ADGRG6: variants seen among roughly 807,000 people sequenced by gnomAD.
The protein encoded by ADGRG6 is G-protein coupled receptor 126.
A neutral mutation model predicts 142.4 loss-of-function variants in ADGRG6; 84 were observed. The observed-to-expected ratio is 0.59, with a 90% CI of 0.49 to 0.71. The LOEUF is 0.71. Ranked by LOEUF, ADGRG6 falls within the 30% of genes least tolerant of loss-of-function variation. ADGRG6 has a pLI of 0.00. For missense variants in ADGRG6, 1,367 were observed against 1,466.6 expected (o/e 0.93, Z 1.11); for synonymous variants, 521 against 520.5 (o/e 1.00, Z -0.01).
chr6:142,423,474 A>T (rs1474877887), intron 22 of ADGRG6, among the ~76,000 whole-genome samples: 1 of 151,704 alleles, frequency 6.6e-6, no homozygotes, highest in Non-Finnish European at 1.5e-5. Context: ...AAGATCAGAT[A>T]GTTGTAGATA....
At chr6:142,371,402 A>C (rs149815087) in intron 4 of ADGRG6, among the ~76,000 whole-genome samples, 1 of 151,198 alleles carries the variant, frequency 6.6e-6, no homozygotes, top group Non-Finnish European at 1.5e-5. Context: ...CCTGACCTCA[A>C]GTGGTCCACC....
Position 142,402,570 on chromosome 6 carries a change from C to A in ADGRG6, c.1745-50C>A, listed in dbSNP as rs896376007. 5.3e-6 allele frequency: 5 copies of A among 950,458 alleles called. No individual in the cohort carries two copies. In the Admixed American group the frequency reaches 1.1e-4, roughly 21 times the overall value. The allele number at this position is 950,458 out of a possible 1,614,324, so 58.9% of individuals were successfully genotyped here. On this transcript the variant is annotated intron_variant, in intron 12 of 24. Transcript: ENST00000367609. The stretch of plus-strand genomic sequence containing the variant: ...TCTACTTTGGATTCCTGGAAATGCT[C>A]TAAATATTCAGGTAAAACTTAGTGT...
At chr6:142,383,091 TAA>T (rs1200167774) in intron 5 of ADGRG6, among the ~76,000 whole-genome samples, 1 of 152,142 alleles carries the variant, frequency 6.6e-6, no homozygotes, top group Non-Finnish European at 1.5e-5. Flanking sequence ...ATCTGAAGTT[TAA>T]AAAAAGTTAT....
rs150024505 is a variant in ADGRG6 at position 142,415,219 on chromosome 6, C to T, written c.2669+123C>T. ...TGGTTGAACGTTAATGTTCATGTTTCTGATAAAATATATTATGTAACATGA... is the reference window on the plus strand; with the variant it reads ...TGGTTGAACGTTAATGTTCATGTTTTTGATAAAATATATTATGTAACATGA... On this transcript the variant is annotated intron_variant, in intron 19 of 24. Transcript: ENST00000367609. 8.2e-4 allele frequency: 427 copies of T among 523,362 alleles called. 1 individual carries two copies. The highest frequency in any genetic ancestry group is 7.3e-3 in the African/African-American group (373 of 51,056). The allele number at this position is 523,362 out of a possible 1,614,324, so 32.4% of individuals were successfully genotyped here. A position where few individuals can be genotyped will look rare whatever the true frequency, so the allele number is the denominator to read the frequency against.
rs572027896 is a variant in ADGRG6, at chr6:142,340,233, AG to A, written c.104-27335del. Among the ~76,000 whole-genome samples the A allele has an allele frequency of 2.9e-3, 439 of 152,280 alleles. 1 individual carries two copies. The highest frequency in any genetic ancestry group is 5.2e-3 in the Non-Finnish European group (353 of 67,990). ...AACAACTGCTGCAAGTTATTTTGCA[AG>A]AAAGACAAGGTGGAATGCACATGTA... On this transcript the variant is annotated intron_variant, in intron 2 of 24. Coordinates refer to ENST00000367609, the MANE Select transcript of ADGRG6 (RefSeq NM_198569.3).
At position 142,415,805 on chromosome 6, in the gene ADGRG6, A is replaced by T; in HGVS notation, c.2679A>T (p.Arg893=). Residue 893 remains arginine, a synonymous_variant, in exon 20 of 25, where the codon CGA becomes CGT. Coordinates refer to ENST00000367609, the MANE Select transcript of ADGRG6 (RefSeq NM_198569.3). ...TTTTTTCATTTTTTAGGAAATTGCG[A>T]AGGGATTATCCCTCCAAAATCTTGA... ...LLTYVAFEKL[R]RDYPSKILMN... is the part of the protein sequence containing the mutation. 6.2e-7 allele frequency: 1 copy of T among 1,609,954 alleles called. No homozygotes were observed.
At chr6:142,388,447 T>A (rs1321859944) in intron 6 of ADGRG6, among the ~76,000 whole-genome samples, 1 of 152,120 alleles carries the variant, frequency 6.6e-6, no homozygotes, top group Admixed American at 6.5e-5. Context: ...CTAGCATTGA[T>A]AATACAGATG....
chr6:142,424,287 G>T (rs1336154808), intron 22 of ADGRG6, among the ~76,000 whole-genome samples: 22 of 88,004 alleles, frequency 2.5e-4, no homozygotes, highest in African/African-American at 9.2e-4. Flanking sequence ...TGCCCATTCA[G>T]TATGATATTG....
chr6:142,309,781 G>GT, intron 2 of ADGRG6, 137 bp downstream of exon 2: 4 of 486,500 alleles, frequency 8.2e-6, no homozygotes, highest in Non-Finnish European at 1.4e-5. Flanking sequence ...TTATAGGGCA[G>GT]TTTTTTTCTG....
At chr6:142,318,247 T>G (rs1470383671) in intron 2 of ADGRG6, among the ~76,000 whole-genome samples, 294 of 69,538 alleles carry the variant, frequency 4.2e-3, no homozygotes, top group Admixed American at 6.0e-3. Context: ...TATATTTATA[T>G]ATTATATATA....
intron 2 of ADGRG6, among the ~76,000 whole-genome samples, chr6:142,353,677 T>C (rs1780297187): frequency 6.6e-6 from 1 of 152,212 alleles, no homozygotes; most frequent in Non-Finnish European, 1.5e-5. Context: ...TAATGAGATT[T>C]CATGTTTCTT....
At chr6:142,415,666 A>G (rs1461389314) in intron 19 of ADGRG6, 130 bp from the exon 20 acceptor site, 1 of 628,742 alleles carries the variant, frequency 1.6e-6, no homozygotes. Context: ...TTTTAGCAGA[A>G]CCACATCAGA....
chr6:142,328,977 A>G (rs1778913135), intron 2 of ADGRG6, among the ~76,000 whole-genome samples: 1 of 152,142 alleles, frequency 6.6e-6, no homozygotes, highest in Admixed American at 6.5e-5. Flanking sequence ...CTGAGATGGT[A>G]GTAGAGTATA....
At chr6:142,387,366 G>T (rs1212350323) in intron 6 of ADGRG6, among the ~76,000 whole-genome samples, 3 of 152,200 alleles carry the variant, frequency 2.0e-5, no homozygotes, top group Non-Finnish European at 4.4e-5. Context: ...AGTAAGTACA[G>T]ATTGTAACAC....
At chr6:142,374,666 T>C (rs1405949667) in intron 4 of ADGRG6, among the ~76,000 whole-genome samples, 1 of 152,156 alleles carries the variant, frequency 6.6e-6, no homozygotes, top group Non-Finnish European at 1.5e-5. Flanking sequence ...GCCAGGAAAC[T>C]GAAGCTTAGA....
At chr6:142,309,680 C>A in intron 2 of ADGRG6, 36 bp downstream of exon 2, 1 of 1,294,212 alleles carries the variant, frequency 7.7e-7, no homozygotes, top group Non-Finnish European at 1.1e-6. Flanking sequence ...GGAATTTAAT[C>A]ATGATGACAT....
At chr6:142,360,742 C>A (rs528470471) in intron 2 of ADGRG6, among the ~76,000 whole-genome samples, 1 of 152,132 alleles carries the variant, frequency 6.6e-6, no homozygotes, top group Admixed American at 6.5e-5. Flanking sequence ...TACTGAAACT[C>A]CACCTCCTGG....
At chr6:142,313,709 T>G (rs1777881211) in intron 2 of ADGRG6, among the ~76,000 whole-genome samples, 1 of 152,158 alleles carries the variant, frequency 6.6e-6, no homozygotes, top group South Asian at 2.1e-4. Context: ...GTGTTAATTT[T>G]TCTTATCATA....
chr6:142,384,264 A>T (rs1781916616), intron 6 of ADGRG6, among the ~76,000 whole-genome samples: 1 of 152,126 alleles, frequency 6.6e-6, no homozygotes. Flanking sequence ...TTAATTTCTC[A>T]CTTAAGTGAA....
Sources: gnomAD v4.1 joint callset for allele counts (sites outside exome capture counted in the v4.1 genomes callset) on GRCh38, gnomAD v4.1.1 for gene constraint, MANE v1.5 for transcripts, NCBI Gene and HGNC (gene_info 2026-07-23, HGNC 2026-07-21) for gene names.